The following BNC1 variants were observed in gnomAD, a reference collection of about 807,000 sequenced individuals.
BNC1 encodes the protein basonuclin zinc finger protein 1, also known as zinc finger protein basonuclin-1.
Under a neutral mutation model 66.5 loss-of-function variants are expected in BNC1, and 8 were observed. The ratio of observed to expected loss-of-function variants is 0.12; its 90% CI spans 0.07 to 0.22. The LOEUF (loss-of-function observed/expected upper bound fraction) is 0.22. BNC1 is among the 10% of genes least tolerant of loss of function. The pLI, the probability that BNC1 is intolerant of heterozygous loss-of-function variation, is 1.00. For synonymous variants in BNC1, 454 were observed against 452.6 expected (o/e 1.00, Z -0.04); for missense variants, 1,069 against 1,241.3 (o/e 0.86, Z 2.09).
At position 83,263,745 on chromosome 15, in the gene BNC1, T is replaced by A. The variant is rs766715246; in HGVS notation, c.1506A>T (p.Ala502=). 2 of 1,614,198 alleles carry A rather than the reference T, an allele frequency of 1.2e-6. No individual in the cohort carries two copies. The highest frequency in any genetic ancestry group is 3.3e-5 in the Admixed American group (2 of 60,016). Residue 502 remains alanine, a synonymous_variant, in exon 4 of 5, where the codon GCA becomes GCT. Transcript: ENST00000345382. ...GGGAAGGGAGTATCCCAGGCGTGTT[T>A]GCTACCTCGGCAGGCGTGGCTGGAC... ...YRSPATPAEV[A]NTPGILPSLP... is the part of the protein sequence containing the mutation.
At chr15:83,270,469 A>G (rs1186522640) in intron 1 of BNC1, among the ~76,000 whole-genome samples, 1 of 152,110 alleles carries the variant, frequency 6.6e-6, no homozygotes, top group Non-Finnish European at 1.5e-5. Flanking sequence ...GAGGGTTCCA[A>G]TTTCTCCACA....
intron 1 of BNC1, among the ~76,000 whole-genome samples, chr15:83,278,403 G>A (rs1362150296): frequency 6.6e-6 from 1 of 152,134 alleles, no homozygotes; most frequent in Non-Finnish European, 1.5e-5. Flanking sequence ...CAACTGGGTT[G>A]GTCAAAAACA....
rs758900884 is a variant in BNC1 at position 83,268,158 on chromosome 15, T to G, written c.174A>C (p.Gln58His). Residue 58 changes from glutamine (Q) to histidine (H), a missense_variant, in exon 2 of 5, where the codon CAA (glutamine) becomes CAC (histidine). Coordinates refer to ENST00000345382, the MANE Select transcript of BNC1 (RefSeq NM_001717.4). ...PGKINHRQCD[Q>H]CKHGWVAHAL... ...CGTGGGCCACCCATCCATGCTTGCA[T>G]TGGTCACACTGACGGTGGTTTATTT... 2 of 1,614,064 alleles carry G rather than the reference T, an allele frequency of 1.2e-6. No homozygotes were observed. Among genetic ancestry groups the G allele is most frequent in the African/African-American group, 2.7e-5 (2 of 74,932 alleles).
Position 83,257,762 on chromosome 15 carries a change from C to T in BNC1, c.2665G>A (p.Asp889Asn), listed in dbSNP as rs781693509. 2.5e-6 allele frequency: 4 copies of T among 1,614,152 alleles called. No homozygotes were observed. Among genetic ancestry groups the T allele is most frequent in the Non-Finnish European group, 3.4e-6 (4 of 1,180,030 alleles). Residue 889 changes from aspartate to asparagine, a missense_variant, in exon 5 of 5, where the codon GAC (aspartate) becomes AAC (asparagine). Transcript: ENST00000345382. ...GACCCTTCACAGTTCCCATCACTGT[C>T]CTCCATAAGCACAGTGCCTTCCTCA... is the stretch of plus-strand genomic sequence containing the variant. The part of the protein sequence containing the change: ...VSEEGTVLME[D>N]SDGNCEGSSL...
chr15:83,283,342 C>A (rs2038403153), intron 1 of BNC1: 5 of 1,444,976 alleles, frequency 3.5e-6, no homozygotes, highest in Non-Finnish European at 4.6e-6. Flanking sequence ...CGGCGGGGCT[C>A]CGGGTCTGGG....
chr15:83,280,895 C>T (rs1258343230), intron 1 of BNC1, among the ~76,000 whole-genome samples: 1 of 152,168 alleles, frequency 6.6e-6, no homozygotes, highest in Non-Finnish European at 1.5e-5. Flanking sequence ...TTGGACCTGA[C>T]CCTCACATTT....
chr15:83,268,709 A>G (rs1352184623), intron 1 of BNC1, among the ~76,000 whole-genome samples: 2 of 152,196 alleles, frequency 1.3e-5, no homozygotes, highest in Admixed American at 1.3e-4. Flanking sequence ...GAAAATACAA[A>G]TAAGATTTGA....
Position 83,257,302 on chromosome 15 carries a change from G to T in BNC1, c.*140C>A. ...ACGAGGTTTGTCTTTTGCTCATTGT[G>T]CTGTGGAAAACTATAAAGTCAAATC... On this transcript the variant is annotated 3_prime_UTR_variant, in exon 5 of 5. Coordinates refer to ENST00000345382, the MANE Select transcript of BNC1 (RefSeq NM_001717.4). 1 of 985,332 alleles carries T rather than the reference G, an allele frequency of 1.0e-6. No individual in the cohort carries two copies. Among genetic ancestry groups the T allele is most frequent in the Non-Finnish European group, 1.5e-6 (1 of 668,170 alleles). 61.0% of individuals were successfully genotyped at this position (985,332 alleles called of 1,614,324 possible). A position where few individuals can be genotyped will look rare whatever the true frequency, so the allele number is the denominator to read the frequency against.
chr15:83,278,025 G>C (rs892308373), intron 1 of BNC1, among the ~76,000 whole-genome samples: 1 of 151,758 alleles, frequency 6.6e-6, no homozygotes, highest in Admixed American at 6.6e-5. Context: ...ACCCACAGAG[G>C]TACAACTAGG....
At position 83,264,510 on chromosome 15, in the gene BNC1, C is replaced by T. The variant is rs1335768218; in HGVS notation, c.741G>A (p.Gln247=). 5 of 1,614,096 alleles carry T rather than the reference C, an allele frequency of 3.1e-6. No individual in the cohort carries two copies. The Admixed American group carries it at 8.3e-5, about 27-fold the overall frequency. ...GTGCAGGAGGCAGAGGGTTGAAGAA[C>T]TGGAAAGGCAGCATGAAAGTCATGT... ...ISNMTFMLPF[Q]FFNPLPPALI... Residue 247 remains glutamine (Q), a synonymous_variant, in exon 4 of 5, where the codon CAG becomes CAA. Transcript: ENST00000345382.
rs139607641 is a variant in BNC1 at position 83,258,040 on chromosome 15, A to G, written c.2387T>C (p.Leu796Pro). Residue 796 changes from leucine to proline, a missense_variant, in exon 5 of 5, where the codon CTT (leucine) becomes CCT (proline). By Grantham distance (98) the Leu-to-Pro change is moderately conservative (BLOSUM62 -3). Coordinates refer to ENST00000345382, the MANE Select transcript of BNC1 (RefSeq NM_001717.4). ...SSEDHFRAAY[L>P]LKDVAKEAYQ... Reference sequence around the variant, plus strand: ...GGCTTCCTTAGCCACATCTTTCAGAAGGTAAGCTGCACGGAAATGATCTTC... The same window carrying G: ...GGCTTCCTTAGCCACATCTTTCAGAGGGTAAGCTGCACGGAAATGATCTTC... 48 of 1,613,908 alleles carry G rather than the reference A, an allele frequency of 3.0e-5. No homozygotes were observed. The highest frequency in any genetic ancestry group is 4.0e-5 in the Non-Finnish European group (47 of 1,179,864).
chr15:83,270,661 C>T (rs1199704620), intron 1 of BNC1, among the ~76,000 whole-genome samples: 2 of 152,096 alleles, frequency 1.3e-5, no homozygotes, highest in African/African-American at 4.8e-5. Context: ...AGATCTTTTG[C>T]CTATTTTTAA....
intron 3 of BNC1, among the ~76,000 whole-genome samples, chr15:83,266,559 C>A (rs367895440): frequency 6.6e-6 from 1 of 152,092 alleles, no homozygotes; most frequent in Non-Finnish European, 1.5e-5. Flanking sequence ...GAGGCAGCAC[C>A]TGAAATGGGG....
At chr15:83,269,380 G>T (rs1483130277) in intron 1 of BNC1, among the ~76,000 whole-genome samples, 1 of 152,150 alleles carries the variant, frequency 6.6e-6, no homozygotes, top group Non-Finnish European at 1.5e-5. Flanking sequence ...GGGAAGAGCT[G>T]CTGGGTAGAA....
chr15:83,284,571 G>A lies in BNC1; in HGVS notation c.58C>T (p.Arg20Cys), dbSNP rs2038424419. The change falls in exon 1 of 5, where the codon CGC becomes TGC. Residue 20 changes from arginine to cysteine, a missense_variant. By Grantham distance (180) the Arg-to-Cys change is radical. Transcript: ENST00000345382. ...GRGAARARET[R>C]RQPRHRSGRR... is the part of the protein sequence containing the mutation. The stretch of plus-strand genomic sequence containing the variant: ...CCGCTGCGGTGCCGGGGCTGCCGGC[G>A]CGTCTCCCGGGCCCGGGCCGCCCCG... 4.6e-6 allele frequency: 5 copies of A among 1,084,934 alleles called. No homozygotes were observed. Among genetic ancestry groups the A allele is most frequent in the Non-Finnish European group, 5.6e-6 (5 of 895,372 alleles). The allele number at this position is 1,084,934 out of a possible 1,614,324, so 67.2% of individuals were successfully genotyped here. A position where few individuals can be genotyped will look rare whatever the true frequency, so the allele number is the denominator to read the frequency against.
At position 83,256,950 on chromosome 15, in the gene BNC1, C is replaced by A. The variant is rs563123197; in HGVS notation, c.*492G>T. 1 of 158,878 alleles carries A rather than the reference C, an allele frequency of 6.3e-6. No individual in the cohort carries two copies. The highest frequency in any genetic ancestry group is 1.4e-5 in the Non-Finnish European group (1 of 72,376). 9.8% of individuals were successfully genotyped at this position (158,878 alleles called of 1,614,324 possible). ...TCCACTCCAAACACAGGGATGGTCT[C>A]AAAAAATCAGTCTTCCAAACTCAGG... On this transcript the variant is annotated 3_prime_UTR_variant, in exon 5 of 5. Transcript: ENST00000345382.
In BNC1 at chr15:83,284,518, C is replaced by A. The variant is rs1235054538; in HGVS notation, c.99+12G>T. ...AGAGAATCCCCGCGCCCGCGGAGGG[C>A]GCCGCGCTTACCTCGGCCATCCTGC... is the stretch of plus-strand genomic sequence containing the variant. On this transcript the variant is annotated intron_variant, in intron 1 of 4. Transcript: ENST00000345382. The A allele has an allele frequency of 1.7e-6, 2 of 1,197,640 alleles. No individual in the cohort carries two copies. Among genetic ancestry groups the A allele is most frequent in the Non-Finnish European group, 2.1e-6 (2 of 953,958 alleles). 74.2% of individuals were successfully genotyped at this position (1,197,640 alleles called of 1,614,324 possible).
intron 1 of BNC1, among the ~76,000 whole-genome samples, chr15:83,281,682 C>T (rs1352336457): frequency 6.6e-6 from 1 of 152,200 alleles, no homozygotes; most frequent in African/African-American, 2.4e-5. Context: ...CTTCTGCCCC[C>T]CACTCCATAA....
At position 83,264,571 on chromosome 15, in the gene BNC1, G is replaced by T; in HGVS notation, c.680C>A (p.Pro227His). The T allele has an allele frequency of 6.2e-7, 1 of 1,614,090 alleles. No homozygotes were observed. Among genetic ancestry groups the T allele is most frequent in the Non-Finnish European group, 8.5e-7 (1 of 1,180,004 alleles). Residue 227 changes from proline to histidine, a missense_variant, in exon 4 of 5, where the codon CCC becomes CAC. Physicochemically the swap from Pro to His is moderately conservative, Grantham distance 77. This residue lies in a region of BNC1 where 181 missense variants were observed against 181.5 expected (regional missense o/e 1.00). Transcript: ENST00000345382. ...GTTCTCAAAGGGGTGTATACTGCTG[G>T]GGTTTCCTTTGTCCACAGGAGTGGG... ...SLPTPVDKGNPSSIHPFENLI... is the reference protein window; with the variant it reads ...SLPTPVDKGNHSSIHPFENLI...
Sources: gnomAD v4.1 joint callset for allele counts (sites outside exome capture counted in the v4.1 genomes callset) on GRCh38, gnomAD v4.1.1 for gene constraint, gnomAD v4.1.1 regional missense constraint, MANE v1.5 for transcripts, NCBI Gene and HGNC (gene_info 2026-07-23, HGNC 2026-07-21) for gene names.